RPL19: variants seen among roughly 807,000 people sequenced by gnomAD.
The protein encoded by RPL19 is ribosomal protein L19, also known as large ribosomal subunit protein eL19.
Under a neutral mutation model 25.1 loss-of-function variants are expected in RPL19, and 2 were observed. The observed-to-expected ratio is 0.08, with a 90% CI of 0.03 to 0.25. The LOEUF (loss-of-function observed/expected upper bound fraction) is 0.25. Ranked by LOEUF, RPL19 falls within the 10% of genes least tolerant of loss-of-function variation. The pLI, the probability that RPL19 is intolerant of heterozygous loss-of-function variation, is 1.00. For missense variants in RPL19, 123 were observed against 271.8 expected (o/e 0.45, Z 3.85); for synonymous variants, 89 against 91.2 (o/e 0.98, Z 0.14).
intron 1 of RPL19, 168 bp downstream of exon 1, chr17:39,200,517 G>C (rs1325548451): frequency 7.8e-6 from 10 of 1,288,422 alleles, no homozygotes; most frequent in African/African-American, 1.5e-5. Flanking sequence ...TCCGGAGTGA[G>C]GGGGGGCGGG....
chr17:39,202,922 T>G, intron 3 of RPL19, 67 bp from the exon 4 acceptor site: 1 of 1,571,354 alleles, frequency 6.4e-7, no homozygotes, highest in Non-Finnish European at 8.7e-7. Context: ...TGAAACTATA[T>G]TCACTTGGTG....
intron 1 of RPL19, chr17:39,200,603 C>T: frequency 1.6e-6 from 2 of 1,242,262 alleles, no homozygotes; most frequent in South Asian, 2.7e-5. Context: ...GGTCGACCCA[C>T]GCGAGCAGAG....
At position 39,204,716 on chromosome 17, in the gene RPL19, G is replaced by C. The variant is rs762375704; in HGVS notation, c.*68G>C. On this transcript the variant is annotated 3_prime_UTR_variant, in exon 6 of 6. Coordinates refer to ENST00000225430, the MANE Select transcript of RPL19 (RefSeq NM_000981.4). Reference sequence around the variant, plus strand: ...TAGATCAGCCATTAAAATAAAACAAGCCTTAATCTGCCTTCCTCTCTGCTT... The same window carrying C: ...TAGATCAGCCATTAAAATAAAACAACCCTTAATCTGCCTTCCTCTCTGCTT... 5.3e-4 allele frequency: 771 copies of C among 1,441,942 alleles called. No individual in the cohort carries two copies. Among genetic ancestry groups the C allele is most frequent in the Non-Finnish European group, 7.1e-4 (738 of 1,045,650 alleles). The allele number at this position is 1,441,942 out of a possible 1,614,324, so 89.3% of individuals were successfully genotyped here. A position where few individuals can be genotyped will look rare whatever the true frequency, so the allele number is the denominator to read the frequency against.
At chr17:39,200,983 T>G in intron 1 of RPL19, 1 of 494,764 alleles carries the variant, frequency 2.0e-6, no homozygotes, top group South Asian at 3.2e-5. Context: ...GGCTTGACTT[T>G]CCAGAGGAGA....
In RPL19 at chr17:39,202,975, C is replaced by T. The variant is rs1250375668; in HGVS notation, c.236-14C>T. ...CCTGGGTAGTGGCCCGTTCCTAACT[C>T]ATCTTCTCCACAGGTAAGCGGAAGG... On this transcript the variant is annotated splice_polypyrimidine_tract_variant and intron_variant, in intron 3 of 5. Coordinates refer to ENST00000225430, the MANE Select transcript of RPL19 (RefSeq NM_000981.4). The T allele has an allele frequency of 6.2e-7, 1 of 1,613,852 alleles. No homozygotes were observed. The highest frequency in any genetic ancestry group is 1.7e-5 in the Admixed American group (1 of 59,994).
At position 39,202,393 on chromosome 17, in the gene RPL19, C is replaced by G. The variant is rs777191756; in HGVS notation, c.189C>G (p.Cys63Trp). The change falls in exon 3 of 6, where the codon TGC becomes TGG. Residue 63 changes from cysteine (C) to tryptophan (W), a missense_variant. Transcript: ENST00000225430. ...KPVTVHSRAR[C>W]RKNTLARRKG... Reference sequence around the variant, plus strand: ...TGACGGTCCATTCCCGGGCTCGATGCCGGAAAAACACCTTGGCCCGCCGGA... The same window carrying G: ...TGACGGTCCATTCCCGGGCTCGATGGCGGAAAAACACCTTGGCCCGCCGGA... 1 of 1,614,164 alleles carries G rather than the reference C, an allele frequency of 6.2e-7. No homozygotes were observed. Among genetic ancestry groups the G allele is most frequent in the Non-Finnish European group, 8.5e-7 (1 of 1,180,022 alleles).
chr17:39,200,863 T>A, intron 1 of RPL19: 1 of 681,800 alleles, frequency 1.5e-6, no homozygotes, highest in Non-Finnish European at 1.9e-6. Context: ...GAAAACAGAG[T>A]AACTTGCCTG....
chr17:39,202,250 G>A, intron 2 of RPL19, 67 bp from the exon 3 acceptor site: 1 of 1,597,458 alleles, frequency 6.3e-7, no homozygotes, highest in Non-Finnish European at 8.6e-7. Context: ...TCTCTGGCCT[G>A]GCCTATTTGG....
chr17:39,202,491 T>C, intron 3 of RPL19, 52 bp downstream of exon 3: 1 of 1,604,300 alleles, frequency 6.2e-7, no homozygotes, highest in African/African-American at 1.3e-5. Context: ...GCATCTATGC[T>C]GAAATATATT....
Position 39,204,609 on chromosome 17 carries a change from C to A in RPL19, c.552C>A (p.Ile184=), listed in dbSNP as rs11554155. The change falls in exon 6 of 6, where the codon ATC becomes ATA. Residue 184 remains isoleucine, a synonymous_variant. Transcript: ENST00000225430. The part of the protein sequence containing the change: ...EERLQAKKEE[I]IKTLSKEEET... Reference sequence around the variant, plus strand: ...GCCTCCAGGCCAAGAAGGAGGAGATCATCAAGACTTTATCCAAGGAGGAAG... The same window carrying A: ...GCCTCCAGGCCAAGAAGGAGGAGATAATCAAGACTTTATCCAAGGAGGAAG... The A allele has an allele frequency of 6.2e-7, 1 of 1,614,116 alleles. No homozygotes were observed. The highest frequency in any genetic ancestry group is 8.5e-7 in the Non-Finnish European group (1 of 1,179,980).
rs2046300216 is a variant in RPL19 at position 39,202,782 on chromosome 17, G to C, written c.236-207G>C. ...TGCATGAAGTGAATGGGGAATTATT[G>C]CTGTATTTGTGCTTCCTTTAAAATT... On this transcript the variant is annotated intron_variant, in intron 3 of 5. Coordinates refer to ENST00000225430, the MANE Select transcript of RPL19 (RefSeq NM_000981.4). 3 of 622,360 alleles carry C rather than the reference G, an allele frequency of 4.8e-6. No individual in the cohort carries two copies. The African/African-American group carries it at 5.5e-5, about 11-fold the overall frequency. 38.6% of individuals were successfully genotyped at this position (622,360 alleles called of 1,614,324 possible).
rs1387603965 is a variant in RPL19, at chr17:39,200,768, T to G, written c.5+419T>G. The G allele has an allele frequency of 8.6e-6, 9 of 1,046,668 alleles. 1 individual carries two copies. The highest frequency in any genetic ancestry group is 4.5e-4 in the Middle Eastern group (1 of 2,244). 64.8% of individuals were successfully genotyped at this position (1,046,668 alleles called of 1,614,324 possible). On this transcript the variant is annotated intron_variant, in intron 1 of 5. Coordinates refer to ENST00000225430, the MANE Select transcript of RPL19 (RefSeq NM_000981.4). ...GGTGATCTCTAACTCTTGACTCCAT[T>G]CACTCCTTTGGCCTCTCATAAAGGA...
chr17:39,203,026 G>C lies in RPL19; in HGVS notation c.273G>C (p.Glu91Asp). ...RKGTANARMP[E>D]KVTWMRRMRI... The stretch of plus-strand genomic sequence containing the variant: ...GTACAGCCAATGCCCGAATGCCAGA[G>C]AAGGTCACATGGATGAGGAGAATGA... Residue 91 changes from glutamate to aspartate, a missense_variant, in exon 4 of 6, where the codon GAG (glutamate) becomes GAC (aspartate). Physicochemically the swap from Glu to Asp is conservative, Grantham distance 45. Transcript: ENST00000225430. 6.2e-7 allele frequency: 1 copy of C among 1,614,006 alleles called. No individual in the cohort carries two copies. The highest frequency in any genetic ancestry group is 1.3e-5 in the African/African-American group (1 of 74,980).
At chr17:39,200,786 A>G in intron 1 of RPL19, 1 of 1,031,722 alleles carries the variant, frequency 9.7e-7, no homozygotes, top group Non-Finnish European at 1.2e-6. Context: ...TTGGCCTCTC[A>G]TAAAGGAAAT....
At position 39,203,574 on chromosome 17, in the gene RPL19, G is replaced by A. The variant is rs143008613; in HGVS notation, c.356+465G>A. Among the ~76,000 whole-genome samples the A allele has an allele frequency of 2.0e-3, 301 of 151,430 alleles. 3 individuals are homozygous for A. Among genetic ancestry groups the A allele is most frequent in the East Asian group, 0.019 (99 of 5,132 alleles). On this transcript the variant is annotated intron_variant, in intron 4 of 5. Transcript: ENST00000225430. ...CACCCAGGATGGAATGCAGTGGCACGATCTTGGTTCACTGCAATCTGCTTT... is the reference window on the plus strand; with the variant it reads ...CACCCAGGATGGAATGCAGTGGCACAATCTTGGTTCACTGCAATCTGCTTT...
At position 39,204,089 on chromosome 17, in the gene RPL19, G is replaced by A. The variant is rs370663313; in HGVS notation, c.369G>A (p.Leu123=). The A allele has an allele frequency of 5.7e-4, 910 of 1,599,586 alleles. No homozygotes were observed. The highest frequency in any genetic ancestry group is 7.4e-4 in the Non-Finnish European group (868 of 1,166,844). The change falls in exon 5 of 6, where the codon CTG becomes CTA. Residue 123 remains leucine (L), a synonymous_variant. Coordinates refer to ENST00000225430, the MANE Select transcript of RPL19 (RefSeq NM_000981.4). Reference sequence around the variant, plus strand: ...GTGTACCCTGCAGGTATCACAGCCTGTACCTGAAGGTGAAGGGGAATGTGT... The same window carrying A: ...GTGTACCCTGCAGGTATCACAGCCTATACCTGAAGGTGAAGGGGAATGTGT... ...KKIDRHMYHS[L]YLKVKGNVFK... is the part of the protein sequence containing the mutation.
intron 1 of RPL19, 98 bp downstream of exon 1, chr17:39,200,447 C>A: frequency 3.7e-6 from 5 of 1,357,780 alleles, no homozygotes; most frequent in Non-Finnish European, 4.8e-6. Flanking sequence ...GAAATGGAGG[C>A]CGCCCTAAAG....
Position 39,200,343 on chromosome 17 carries a change from C to A in RPL19, c.-2C>A. 2.6e-6 allele frequency: 4 copies of A among 1,565,526 alleles called. No individual in the cohort carries two copies. Among genetic ancestry groups the A allele is most frequent in the Non-Finnish European group, 3.5e-6 (4 of 1,158,236 alleles). ...TTTCCTTTCGCTGCTGCGGCCGCAGCCATGAGGTGAGGGCGAGCTGGTCTC... is the reference window on the plus strand; with the variant it reads ...TTTCCTTTCGCTGCTGCGGCCGCAGACATGAGGTGAGGGCGAGCTGGTCTC... On this transcript the variant is annotated 5_prime_UTR_variant, in exon 1 of 6. Coordinates refer to ENST00000225430, the MANE Select transcript of RPL19 (RefSeq NM_000981.4).
intron 4 of RPL19, among the ~76,000 whole-genome samples, chr17:39,203,708 C>T (rs570925296): frequency 4.8e-5 from 7 of 146,014 alleles, no homozygotes; most frequent in African/African-American, 1.3e-4. Flanking sequence ...GTGGTTTCAC[C>T]GTTGGCCAGG....
Sources: gnomAD v4.1 joint callset for allele counts (sites outside exome capture counted in the v4.1 genomes callset) on GRCh38, gnomAD v4.1.1 for gene constraint, MANE v1.5 for transcripts, NCBI Gene and HGNC (gene_info 2026-07-23, HGNC 2026-07-21) for gene names.